Variants in FAM181A observed in about 807,000 individuals in gnomAD.
The protein encoded by FAM181A is protein FAM181A.
Under a neutral mutation model 16.3 loss-of-function variants are expected in FAM181A, and 7 were observed. That is an observed-to-expected ratio of 0.43 (90% CI 0.24 to 0.81). The LOEUF (loss-of-function observed/expected upper bound fraction) is 0.81, where lower values mean the gene tolerates loss of function less well. Among genes scored for constraint, FAM181A ranks in the 30% least tolerant of loss-of-function variants. The pLI is 0.24. For missense variants in FAM181A, 349 were observed against 377.5 expected (o/e 0.92, Z 0.63); for synonymous variants, 183 against 164.9 (o/e 1.11, Z -0.84).
chr14:93,928,142 T>A, intron 1 of FAM181A, 57 bp from the exon 2 acceptor site: 2 of 1,578,900 alleles, frequency 1.3e-6, no homozygotes, highest in Non-Finnish European at 1.7e-6. Context: ...TGTGGTCTTT[T>A]GGGAGGGCTG....
upstream of FAM181A, chr14:93,927,062 C>CACACA (rs1415891809): frequency 1.2e-4 from 4 of 33,690 alleles, no homozygotes; most frequent in African/African-American, 2.7e-4. Flanking sequence ...ACACACACAC[C>CACACA]CCACCCCCTT....
Position 93,929,113 on chromosome 14 carries a change from C to T in FAM181A, c.828C>T (p.Pro276=). Residue 276 remains proline, a synonymous_variant, in exon 2 of 2, where the codon CCC becomes CCT. Coordinates refer to ENST00000556222, the MANE Select transcript of FAM181A (RefSeq NM_001207073.2). ...GGCCCGTGGTGCTGAAACCCATCCCCACCAAGCCAGCCGTGCCCCCACCCA... is the reference window on the plus strand; with the variant it reads ...GGCCCGTGGTGCTGAAACCCATCCCTACCAAGCCAGCCGTGCCCCCACCCA... ...VCRPVVLKPI[P]TKPAVPPPIF... 6.5e-7 allele frequency: 1 copy of T among 1,528,686 alleles called. No individual in the cohort carries two copies. Among genetic ancestry groups the T allele is most frequent in the Non-Finnish European group, 8.8e-7 (1 of 1,139,412 alleles). 94.7% of individuals were successfully genotyped at this position (1,528,686 alleles called of 1,614,324 possible). A position where few individuals can be genotyped will look rare whatever the true frequency, so the allele number is the denominator to read the frequency against.
At chr14:93,927,207 T>A, upstream of FAM181A, 1 of 875,666 alleles carries the variant, frequency 1.1e-6, no homozygotes, top group Non-Finnish European at 1.4e-6. Context: ...ATGGTGACAA[T>A]TTGTGACGGC....
chr14:93,921,832 C>A (rs1444130487), intron 1 of FAM181A, among the ~76,000 whole-genome samples: 3 of 152,094 alleles, frequency 2.0e-5, no homozygotes, highest in African/African-American at 7.2e-5. Context: ...TCACTCCCAC[C>A]CTAGCTTTGT....
rs1004085136 is a variant in FAM181A, at chr14:93,929,247, T to C, written c.*83T>C. On this transcript the variant is annotated 3_prime_UTR_variant, in exon 2 of 2. Coordinates refer to ENST00000556222, the MANE Select transcript of FAM181A (RefSeq NM_001207073.2). The stretch of plus-strand genomic sequence containing the variant: ...AGGCGCTCTCCTGTGAGGAGGTGGC[T>C]GGGCCACAGTGTGGCCTCTTCCGTT... 5 of 1,474,112 alleles carry C rather than the reference T, an allele frequency of 3.4e-6. No homozygotes were observed. Among genetic ancestry groups the C allele is most frequent in the Non-Finnish European group, 4.5e-6 (5 of 1,115,264 alleles). The allele number at this position is 1,474,112 out of a possible 1,614,324, so 91.3% of individuals were successfully genotyped here.
At chr14:93,921,514 C>T (rs372996246) in intron 1 of FAM181A, among the ~76,000 whole-genome samples, 3 of 152,336 alleles carry the variant, frequency 2.0e-5, no homozygotes, top group South Asian at 4.1e-4. Flanking sequence ...GCAAGAAGCA[C>T]GTCCACTCTG....
At chr14:93,924,749 G>A (rs987357361), upstream of FAM181A, among the ~76,000 whole-genome samples, 1 of 152,226 alleles carries the variant, frequency 6.6e-6, no homozygotes, top group African/African-American at 2.4e-5. Flanking sequence ...AGGAGGCAAT[G>A]TGGCCAGGCA....
intron 1 of FAM181A, among the ~76,000 whole-genome samples, chr14:93,921,618 C>T (rs906850704): frequency 6.6e-6 from 1 of 152,358 alleles, no homozygotes; most frequent in East Asian, 1.9e-4. Flanking sequence ...GTCTGCGTCG[C>T]ATGTCCACAG....
chr14:93,929,081 G>A lies in FAM181A; in HGVS notation c.796G>A (p.Val266Met). The A allele has an allele frequency of 6.4e-7, 1 of 1,566,486 alleles. No homozygotes were observed. Among genetic ancestry groups the A allele is most frequent in the South Asian group, 1.2e-5 (1 of 83,342 alleles). Residue 266 changes from valine to methionine, a missense_variant, in exon 2 of 2, where the codon GTG becomes ATG. Transcript: ENST00000556222. ...GGATGTGGACGGCCTGGGGCAGAAG[G>A]TGTGCAGGCCCGTGGTGCTGAAACC... ...CKDVDGLGQK[V>M]CRPVVLKPIP... is the part of the protein sequence containing the mutation.
chr14:93,926,391 T>C (rs1032630172), upstream of FAM181A: 3 of 152,184 alleles, frequency 2.0e-5, no homozygotes, highest in Non-Finnish European at 1.5e-5. The surrounding 1 kb of genome is among the most constrained non-coding windows in gnomAD (Gnocchi z 5.2). Context: ...TAGCCAAGTG[T>C]GCAAACTTGT....
Position 93,928,718 on chromosome 14 carries a change from C to G in FAM181A, c.433C>G (p.Pro145Ala). Reference sequence around the variant, plus strand: ...CGCTTCCTTCTGGGAAGAGCCAAGGCCCACCCACAGCTACCATGTGGGGCT... The same window carrying G: ...CGCTTCCTTCTGGGAAGAGCCAAGGGCCACCCACAGCTACCATGTGGGGCT... ...LPASFWEEPR[P>A]THSYHVGLEG... is the part of the protein sequence containing the mutation. Residue 145 changes from proline (P) to alanine (A), a missense_variant, in exon 2 of 2, where the codon CCC (proline) becomes GCC (alanine). Pro to Ala is a conservative substitution (Grantham distance 27). Coordinates refer to ENST00000556222, the MANE Select transcript of FAM181A (RefSeq NM_001207073.2). 1 of 1,613,964 alleles carries G rather than the reference C, an allele frequency of 6.2e-7. No individual in the cohort carries two copies. The highest frequency in any genetic ancestry group is 8.5e-7 in the Non-Finnish European group (1 of 1,179,966).
upstream of FAM181A, among the ~76,000 whole-genome samples, chr14:93,926,736 G>A (rs768698813): frequency 6.6e-6 from 1 of 150,636 alleles, no homozygotes; most frequent in Admixed American, 6.6e-5. The surrounding 1 kb of genome is among the most constrained non-coding windows in gnomAD (Gnocchi z 5.2). Context: ...AGGCATCAGC[G>A]CACCTCCTGA....
chr14:93,920,605 C>CA (rs1307365079), intron 1 of FAM181A, among the ~76,000 whole-genome samples: 5 of 152,218 alleles, frequency 3.3e-5, no homozygotes, highest in East Asian at 3.9e-4. Flanking sequence ...TAAATTGATG[C>CA]AAAAAATTCA....
In FAM181A at chr14:93,920,837, C is replaced by G. The variant is rs7147403; in HGVS notation, c.-225+1843C>G. Among the ~76,000 whole-genome samples the G allele has an allele frequency of 9.8e-3, 1,486 of 152,290 alleles. 23 individuals carry two copies. The highest frequency in any genetic ancestry group is 0.034 in the African/African-American group (1,397 of 41,560). ...AGAACTCTTTGCCTGAACCCCATCCCTCCTGAGACTCCACATGGTGAAGAT... is the reference window on the plus strand; with the variant it reads ...AGAACTCTTTGCCTGAACCCCATCCGTCCTGAGACTCCACATGGTGAAGAT... On this transcript the variant is annotated intron_variant, in intron 1 of 2. Transcript: ENST00000267594.
At chr14:93,927,060 A>ACACACACACC (rs143090510), upstream of FAM181A, 75 of 154,166 alleles carry the variant, frequency 4.9e-4, 2 homozygotes, top group South Asian at 9.6e-4. Context: ...ACACACACAC[A>ACACACACACC]CCCCACCCCC....
chr14:93,926,716 C>CA (rs1176483257), upstream of FAM181A, among the ~76,000 whole-genome samples: 1 of 151,372 alleles, frequency 6.6e-6, no homozygotes, highest in African/African-American at 2.4e-5. This position sits in a 1 kb window ranked among gnomAD's most constrained non-coding sequence, Gnocchi z 5.2. Context: ...CCTCGGCCAC[C>CA]TTTTCCGACA....
chr14:93,928,474 T>C lies in FAM181A; in HGVS notation c.189T>C (p.Ala63=). ...SRLPRGLPGR[A]AEPYLKRGSE... ...TCCCGCGGGGCCTTCCTGGCAGAGC[T>C]GCTGAGCCCTACCTGAAAAGGGGGT... Residue 63 remains alanine (A), a synonymous_variant, in exon 2 of 2, where the codon GCT becomes GCC. Transcript: ENST00000556222. 1 of 1,610,748 alleles carries C rather than the reference T, an allele frequency of 6.2e-7. No individual in the cohort carries two copies. Among genetic ancestry groups the C allele is most frequent in the East Asian group, 2.2e-5 (1 of 44,792 alleles).
chr14:93,922,676 C>T (rs939902144), upstream of FAM181A, among the ~76,000 whole-genome samples: 2 of 152,052 alleles, frequency 1.3e-5, no homozygotes, highest in African/African-American at 2.4e-5. Context: ...GGTGACAGAG[C>T]GAGACTCTAT....
At chr14:93,921,935 G>A (rs1887742671) in intron 1 of FAM181A, 1 of 152,212 alleles carries the variant, frequency 6.6e-6, no homozygotes, top group South Asian at 2.1e-4. Flanking sequence ...TGGCAACTGG[G>A]AAGAACAAAT....
Sources: allele counts gnomAD v4.1 joint callset (sites outside exome capture counted in the v4.1 genomes callset), GRCh38; gene constraint gnomAD v4.1.1; non-coding constraint Gnocchi (gnomAD v3.1); transcripts MANE v1.5; gene names NCBI Gene and HGNC (gene_info 2026-07-23, HGNC 2026-07-21).